CLPX: variants seen among roughly 807,000 people sequenced by gnomAD.
CLPX encodes ATP-dependent clpX-like chaperone, mitochondrial.
CLPX carries 34 observed loss-of-function variants against 76.4 expected under a neutral mutation model. That is an observed-to-expected ratio of 0.45 (90% CI 0.34 to 0.59). The LOEUF (loss-of-function observed/expected upper bound fraction) is 0.59. CLPX is among the 20% of genes least tolerant of loss of function. CLPX has a pLI of 0.01. For synonymous variants in CLPX, 248 were observed against 270.9 expected, an observed-to-expected ratio of 0.92 and a Z score of 0.83; for missense variants, 613 against 757.0, an observed-to-expected ratio of 0.81 and a Z score of 2.23.
Position 65,149,689 on chromosome 15 carries a change from G to T in CLPX, c.*1134C>A, listed in dbSNP as rs2087696077. ...AGCCTGGCCAACAGGGTGAAACCCT[G>T]TCTCTACTAAAAATACAAAAATTAG... On this transcript the variant is annotated 3_prime_UTR_variant, in exon 14 of 14. Coordinates refer to ENST00000300107, the MANE Select transcript of CLPX (RefSeq NM_006660.5). 1 of 328,356 alleles carries T rather than the reference G, an allele frequency of 3.0e-6. No homozygotes were observed. The highest frequency in any genetic ancestry group is 2.2e-5 in the African/African-American group (1 of 44,932). 20.3% of individuals were successfully genotyped at this position (328,356 alleles called of 1,614,324 possible).
chr15:65,164,466 A>T (rs565271812), intron 4 of CLPX, among the ~76,000 whole-genome samples: 1 of 152,292 alleles, frequency 6.6e-6, no homozygotes, highest in African/African-American at 2.4e-5. Context: ...ATCAATCTTT[A>T]TTTTTTGATA....
chr15:65,185,034 C>T (rs201270251), intron 1 of CLPX, 41 bp downstream of exon 1: 24 of 1,519,072 alleles, frequency 1.6e-5, no homozygotes, highest in East Asian at 1.2e-4. Context: ...CCACCCCCCC[C>T]CCGACAGGCT....
In CLPX at chr15:65,154,770, T is replaced by C; in HGVS notation, c.1611+12A>G. The C allele has an allele frequency of 6.4e-7, 1 of 1,559,560 alleles. No individual in the cohort carries two copies. Among genetic ancestry groups the C allele is most frequent in the Non-Finnish European group, 8.7e-7 (1 of 1,149,890 alleles). ...ATAAAAAATAACTAAGTACAAAAAA[T>C]AAAAATCTAACCTTATCCATGCTGA... On this transcript the variant is annotated intron_variant, in intron 11 of 13. Transcript: ENST00000300107.
Position 65,166,643 on chromosome 15 carries a change from A to T in CLPX, c.501T>A (p.Pro167=). The T allele has an allele frequency of 5.6e-6, 9 of 1,613,806 alleles. No individual in the cohort carries two copies. The highest frequency in any genetic ancestry group is 7.6e-6 in the Non-Finnish European group (9 of 1,179,876). ...VKLAFQQKPP[P]PPKKIYNYLD... is the part of the protein sequence containing the mutation. Reference sequence around the variant, plus strand: ...TTAAGACTTATACCTTCTTAGGGGGAGGTGGTGGTTTCTGTTGGAATGCCA... The same window carrying T: ...TTAAGACTTATACCTTCTTAGGGGGTGGTGGTGGTTTCTGTTGGAATGCCA... Residue 167 remains proline (P), a synonymous_variant, in exon 4 of 14, where the codon CCT becomes CCA. Coordinates refer to ENST00000300107, the MANE Select transcript of CLPX (RefSeq NM_006660.5).
chr15:65,160,623 T>TCTCTCTCTCACACACA (rs1219208926), intron 6 of CLPX, among the ~76,000 whole-genome samples: 15 of 101,022 alleles, frequency 1.5e-4, no homozygotes, highest in African/African-American at 5.7e-4. Context: ...TCTCTCTCTC[T>TCTCTCTCTCACACACA]CACACACACA....
intron 4 of CLPX, among the ~76,000 whole-genome samples, chr15:65,166,148 G>A (rs1347748146): frequency 1.3e-5 from 2 of 152,118 alleles, no homozygotes; most frequent in African/African-American, 4.8e-5. Context: ...GCTATACGGA[G>A]CAGCCCGGCA....
intron 6 of CLPX, among the ~76,000 whole-genome samples, chr15:65,161,435 TC>T (rs1314177244): frequency 6.6e-6 from 1 of 152,162 alleles, no homozygotes; most frequent in African/African-American, 2.4e-5. Context: ...GAACTTAAAA[TC>T]CCATGTAAAA....
intron 6 of CLPX, among the ~76,000 whole-genome samples, chr15:65,161,307 T>A (rs185018139): frequency 6.6e-6 from 1 of 152,160 alleles, no homozygotes; most frequent in Non-Finnish European, 1.5e-5. Context: ...TCTCTAAAAT[T>A]TGACTTCCAA....
In CLPX at chr15:65,183,623, G is replaced by GA. The variant is rs563921046; in HGVS notation, c.79+1451dup. Among the ~76,000 whole-genome samples, 343 of 151,134 alleles carry GA rather than the reference G, an allele frequency of 2.3e-3. 3 individuals carry two copies. Among genetic ancestry groups the GA allele is most frequent in the African/African-American group, 5.6e-3 (229 of 41,220 alleles). Reference sequence around the variant, plus strand: ...AGAAAGAAAACAGTCGTTTTGAAAAGAAAAAAAAATAACTGCCTATCTCCT... The same window carrying GA: ...AGAAAGAAAACAGTCGTTTTGAAAAGAAAAAAAAAATAACTGCCTATCTCCT... On this transcript the variant is annotated intron_variant, in intron 1 of 13. Coordinates refer to ENST00000300107, the MANE Select transcript of CLPX (RefSeq NM_006660.5).
chr15:65,148,459 A>G lies in CLPX; in HGVS notation c.*2364T>C, dbSNP rs2087680257. ...ATGCTATAAGGGAAAGATAATGAAC[A>G]AAGTTATAATATGTAAGACTTCCTG... On this transcript the variant is annotated 3_prime_UTR_variant, in exon 14 of 14. Transcript: ENST00000300107. 1 of 152,184 alleles carries G rather than the reference A, an allele frequency of 6.6e-6. No homozygotes were observed. The highest frequency in any genetic ancestry group is 2.1e-4 in the South Asian group (1 of 4,834). 9.4% of individuals were successfully genotyped at this position (152,184 alleles called of 1,614,324 possible).
At chr15:65,154,635 C>T (rs957353478) in intron 11 of CLPX, 147 bp downstream of exon 11, 23 of 621,428 alleles carry the variant, frequency 3.7e-5, no homozygotes, top group African/African-American at 3.7e-4. Context: ...TACAATATGC[C>T]TTCCTTGATT....
chr15:65,159,239 G>A (rs1258486090), intron 6 of CLPX, among the ~76,000 whole-genome samples: 1 of 152,122 alleles, frequency 6.6e-6, no homozygotes, highest in Non-Finnish European at 1.5e-5. Context: ...ACCTGTACTG[G>A]ATCTTTCTAT....
intron 8 of CLPX, 41 bp downstream of exon 8, chr15:65,157,705 C>A (rs770263938): frequency 1.9e-6 from 3 of 1,550,000 alleles, no homozygotes. Context: ...ACTGATTCCC[C>A]AATATTCTAA....
At chr15:65,160,606 C>CTT (rs1259776642) in intron 6 of CLPX, among the ~76,000 whole-genome samples, 2 of 126,180 alleles carry the variant, frequency 1.6e-5, no homozygotes, top group African/African-American at 6.5e-5. Context: ...CTCTCTCTCT[C>CTT]TCTCTCTCTC....
In CLPX at chr15:65,180,028, A is replaced by G; in HGVS notation, c.240+16T>C. On this transcript the variant is annotated intron_variant, in intron 2 of 13. Transcript: ENST00000300107. Reference sequence around the variant, plus strand: ...ACTCACAATGTGTACAGATGCCAATAAGATAAAATAATTACCTTATTTCCA... The same window carrying G: ...ACTCACAATGTGTACAGATGCCAATGAGATAAAATAATTACCTTATTTCCA... The G allele has an allele frequency of 3.2e-6, 5 of 1,586,182 alleles. No homozygotes were observed. In the South Asian group the frequency reaches 5.8e-5, roughly 18 times the overall value.
At chr15:65,154,634 C>A in intron 11 of CLPX, 148 bp downstream of exon 11, 1 of 615,254 alleles carries the variant, frequency 1.6e-6, no homozygotes, top group Non-Finnish European at 2.8e-6. Flanking sequence ...ATACAATATG[C>A]CTTCCTTGAT....
intron 4 of CLPX, among the ~76,000 whole-genome samples, chr15:65,165,054 C>T (rs565379017): frequency 2.6e-4 from 39 of 152,232 alleles, no homozygotes; most frequent in African/African-American, 8.7e-4. Context: ...TAACCAACTC[C>T]TGCCGGGCTT....
Position 65,150,730 on chromosome 15 carries a change from A to G in CLPX, c.*93T>C. 3.8e-6 allele frequency: 3 copies of G among 779,326 alleles called. No homozygotes were observed. Among genetic ancestry groups the G allele is most frequent in the Non-Finnish European group, 6.3e-6 (3 of 477,018 alleles). The allele number at this position is 779,326 out of a possible 1,614,324, so 48.3% of individuals were successfully genotyped here. On this transcript the variant is annotated 3_prime_UTR_variant, in exon 14 of 14. Transcript: ENST00000300107. ...TCTGACCATGTATGATATCCAAGAT[A>G]GATCCAATGCCTTTAATATCAGACT... is the stretch of plus-strand genomic sequence containing the variant.
Position 65,149,365 on chromosome 15 carries a change from C to G in CLPX, c.*1458G>C, listed in dbSNP as rs1404846775. The G allele has an allele frequency of 4.4e-6, 1 of 227,398 alleles. No homozygotes were observed. Among genetic ancestry groups the G allele is most frequent in the Admixed American group, 5.6e-5 (1 of 17,872 alleles). The allele number at this position is 227,398 out of a possible 1,614,324, so 14.1% of individuals were successfully genotyped here. The stretch of plus-strand genomic sequence containing the variant: ...TGGTGCACGCCTGTAGTCCCAGCTA[C>G]TCAGGAGGCTGAGGCATGAGTATCG... On this transcript the variant is annotated 3_prime_UTR_variant, in exon 14 of 14. Transcript: ENST00000300107.
Sources: allele counts gnomAD v4.1 joint callset (sites outside exome capture counted in the v4.1 genomes callset), GRCh38; gene constraint gnomAD v4.1.1; transcripts MANE v1.5; gene names NCBI Gene and HGNC (gene_info 2026-07-23, HGNC 2026-07-21).